MACROD2: variants seen among roughly 807,000 people sequenced by gnomAD.
MACROD2 encodes mono-ADP ribosylhydrolase 2, also known as ADP-ribose glycohydrolase MACROD2.
In MACROD2, 36 loss-of-function variants were observed where a neutral mutation model predicts 70.4. The ratio of observed to expected loss-of-function variants is 0.51; its 90% CI spans 0.39 to 0.68. The LOEUF (loss-of-function observed/expected upper bound fraction) is 0.68, where lower values mean the gene tolerates loss of function less well. MACROD2 is among the 30% of genes least tolerant of loss of function. The probability of loss-of-function intolerance (pLI) is 0.00; values close to 1 mark genes in which losing one functional copy is unlikely to be tolerated. For synonymous variants in MACROD2, 172 were observed against 178.8 expected, an observed-to-expected ratio of 0.96 and a Z score of 0.30; for missense variants, 496 against 538.4, an observed-to-expected ratio of 0.92 and a Z score of 0.78.
chr20:15,782,422 G>T (rs2051849240), intron 8 of MACROD2, among the ~76,000 whole-genome samples: 1 of 151,986 alleles, frequency 6.6e-6, no homozygotes, highest in Non-Finnish European at 1.5e-5. Flanking sequence ...TATGACTGAG[G>T]TCACTCATGT....
chr20:14,377,082 A>G (rs2083379128), intron 3 of MACROD2, among the ~76,000 whole-genome samples: 1 of 152,112 alleles, frequency 6.6e-6, no homozygotes, highest in Non-Finnish European at 1.5e-5. Flanking sequence ...AGTCACTCCT[A>G]GCCTTTTCTG....
intron 5 of MACROD2, among the ~76,000 whole-genome samples, chr20:14,725,421 A>G (rs2071517249): frequency 6.6e-6 from 1 of 152,166 alleles, no homozygotes; most frequent in South Asian, 2.1e-4. Context: ...GTGTTTAGAC[A>G]TCAGGGAGAA....
At chr20:15,983,615 T>G (rs1308916047) in intron 13 of MACROD2, among the ~76,000 whole-genome samples, 2 of 152,158 alleles carry the variant, frequency 1.3e-5, no homozygotes, top group Non-Finnish European at 2.9e-5. Flanking sequence ...GACTTTGGGA[T>G]ATAGCAGAGA....
At chr20:15,969,454 G>T (rs1304303150) in intron 13 of MACROD2, among the ~76,000 whole-genome samples, 1 of 152,074 alleles carries the variant, frequency 6.6e-6, no homozygotes, top group Non-Finnish European at 1.5e-5. Context: ...AGGAGATAAA[G>T]ATAAGATTGG....
chr20:14,694,797 C>G (rs1251735802), intron 5 of MACROD2, among the ~76,000 whole-genome samples: 2 of 152,088 alleles, frequency 1.3e-5, no homozygotes, highest in African/African-American at 4.8e-5. Context: ...ATGTCTCTTT[C>G]CAGTATCTTG....
intron 4 of MACROD2, among the ~76,000 whole-genome samples, chr20:14,596,090 A>AT (rs1406917564): frequency 8.6e-5 from 13 of 151,202 alleles, no homozygotes; most frequent in Non-Finnish European, 1.6e-4. Context: ...TATATATGTA[A>AT]TTTTTTTATT....
chr20:14,438,758 A>G (rs1336377538), intron 3 of MACROD2, among the ~76,000 whole-genome samples: 1 of 152,086 alleles, frequency 6.6e-6, no homozygotes, highest in Non-Finnish European at 1.5e-5. Context: ...AAATTGGATT[A>G]TATGTTTTCT....
chr20:14,462,398 A>G (rs2084383165), intron 3 of MACROD2, among the ~76,000 whole-genome samples: 1 of 151,676 alleles, frequency 6.6e-6, no homozygotes, highest in Non-Finnish European at 1.5e-5. Context: ...TTTTTCTTGT[A>G]AATTTGTTTG....
chr20:14,101,730 T>C (rs1016970949), intron 3 of MACROD2, among the ~76,000 whole-genome samples: 16 of 151,784 alleles, frequency 1.1e-4, no homozygotes, highest in Non-Finnish European at 2.2e-4. Flanking sequence ...TTAAATATTA[T>C]AGTAACATAG....
At chr20:15,557,568 A>C (rs2048184513) in intron 8 of MACROD2, among the ~76,000 whole-genome samples, 2 of 152,216 alleles carry the variant, frequency 1.3e-5, no homozygotes, top group Non-Finnish European at 2.9e-5. Flanking sequence ...CAGAGCTTTA[A>C]AAATCTGTGG....
intron 5 of MACROD2, among the ~76,000 whole-genome samples, chr20:14,825,370 T>G (rs1193340520): frequency 6.6e-6 from 1 of 152,076 alleles, no homozygotes; most frequent in Non-Finnish European, 1.5e-5. Flanking sequence ...GACAACAGTG[T>G]CCAAAGTCTT....
intron 5 of MACROD2, among the ~76,000 whole-genome samples, chr20:15,164,628 G>T (rs1219310868): frequency 1.3e-5 from 2 of 152,170 alleles, no homozygotes; most frequent in Non-Finnish European, 2.9e-5. Flanking sequence ...GGGTATGGTG[G>T]CTCATGCCTG....
intron 3 of MACROD2, among the ~76,000 whole-genome samples, chr20:14,248,283 A>T (rs1244105993): frequency 1.3e-5 from 2 of 152,292 alleles, no homozygotes; most frequent in East Asian, 3.9e-4. Context: ...CATGCACAAA[A>T]TTATTTAAAA....
chr20:15,499,937 T>C, intron 8 of MACROD2, 90 bp downstream of exon 8: 1 of 1,236,604 alleles, frequency 8.1e-7, no homozygotes, highest in South Asian at 1.3e-5. Flanking sequence ...TTTATAAATA[T>C]CAACTACACC....
intron 2 of MACROD2, among the ~76,000 whole-genome samples, chr20:14,058,353 C>T (rs1298952792): frequency 6.6e-6 from 1 of 151,694 alleles, no homozygotes; most frequent in African/African-American, 2.4e-5. Context: ...GTGAATAATA[C>T]CCTCTGCTAA....
chr20:14,462,823 T>A (rs2084388297), intron 3 of MACROD2, among the ~76,000 whole-genome samples: 1 of 152,126 alleles, frequency 6.6e-6, no homozygotes, highest in Non-Finnish European at 1.5e-5. Context: ...TTTGTTAGGT[T>A]TGTCAAAGAT....
intron 10 of MACROD2, among the ~76,000 whole-genome samples, chr20:15,915,040 G>C (rs2065293296): frequency 6.6e-6 from 1 of 152,188 alleles, no homozygotes; most frequent in South Asian, 2.1e-4. Flanking sequence ...TCCCTATGGA[G>C]TTGGGGTGTG....
At chr20:14,818,040 C>A (rs1425895325) in intron 5 of MACROD2, among the ~76,000 whole-genome samples, 1 of 152,106 alleles carries the variant, frequency 6.6e-6, no homozygotes, top group African/African-American at 2.4e-5. Context: ...TACATCCACC[C>A]AAAGTGTTAT....
chr20:14,623,185 G>A (rs1355569264), intron 4 of MACROD2, among the ~76,000 whole-genome samples: 1 of 148,356 alleles, frequency 6.7e-6, no homozygotes. Flanking sequence ...AGTTTTTTTT[G>A]TTTTTTTTTT....
Sources: allele counts gnomAD v4.1 joint callset (sites outside exome capture counted in the v4.1 genomes callset), GRCh38; gene constraint gnomAD v4.1.1; transcripts MANE v1.5; gene names NCBI Gene and HGNC (gene_info 2026-07-23, HGNC 2026-07-21).